Variants in ZFHX3 observed in about 807,000 individuals in gnomAD.
ZFHX3 encodes zinc finger homeobox 3.
A neutral mutation model predicts 279.1 loss-of-function variants in ZFHX3; 42 were observed. The observed-to-expected ratio is 0.15, with a 90% CI of 0.12 to 0.19. The LOEUF (loss-of-function observed/expected upper bound fraction) is 0.19, where lower values mean the gene tolerates loss of function less well. Among genes scored for constraint, ZFHX3 ranks in the 10% least tolerant of loss-of-function variants. ZFHX3 has a pLI of 1.00. For synonymous variants in ZFHX3, 2,293 were observed against 1,957.8 expected (o/e 1.17, Z -4.52); for missense variants, 4,981 against 4,754.0 (o/e 1.05, Z -1.40).
intron 4 of ZFHX3, among the ~76,000 whole-genome samples, chr16:73,295,150 GC>G (rs1472016097): frequency 6.6e-6 from 1 of 152,098 alleles, no homozygotes; most frequent in Non-Finnish European, 1.5e-5. Context: ...GGGAGGCGGA[GC>G]TTGCAGTGAG....
chr16:72,983,785 C>A (rs16971471), intron 1 of ZFHX3, among the ~76,000 whole-genome samples: 31,419 of 152,078 alleles, frequency 0.21, 3,855 homozygotes, highest in East Asian at 0.46. Context: ...ATGTCAAACA[C>A]CATTCCTACC....
At chr16:73,345,059 C>A (rs1160178543) in intron 3 of ZFHX3, among the ~76,000 whole-genome samples, 1 of 152,106 alleles carries the variant, frequency 6.6e-6, no homozygotes, top group African/African-American at 2.4e-5. Context: ...CCTTACTCAG[C>A]TTAAAGGGGT....
intron 5 of ZFHX3, among the ~76,000 whole-genome samples, chr16:73,238,018 A>G (rs1349661000): frequency 6.6e-6 from 1 of 152,032 alleles, no homozygotes; most frequent in Admixed American, 6.6e-5. Context: ...TTAACAACCA[A>G]TTCCACTGTG....
At chr16:72,822,161 A>C (rs2036809419) in intron 5 of ZFHX3, among the ~76,000 whole-genome samples, 1 of 152,232 alleles carries the variant, frequency 6.6e-6, no homozygotes, top group East Asian at 1.9e-4. Context: ...TTGTTAACGA[A>C]ACATCTAAAC....
chr16:73,274,115 G>A (rs958150787), intron 4 of ZFHX3, among the ~76,000 whole-genome samples: 3 of 152,186 alleles, frequency 2.0e-5, no homozygotes, highest in African/African-American at 7.2e-5. Context: ...CTGCACTCCA[G>A]CCTGGGTAAC....
intron 1 of ZFHX3, among the ~76,000 whole-genome samples, chr16:73,867,900 T>G (rs1201462291): frequency 6.6e-6 from 1 of 152,162 alleles, no homozygotes; most frequent in South Asian, 2.1e-4. Context: ...ACTTTGCATC[T>G]TGAACACAAG....
chr16:72,915,330 C>G (rs1206365243), intron 3 of ZFHX3, among the ~76,000 whole-genome samples: 2 of 152,306 alleles, frequency 1.3e-5, no homozygotes, highest in East Asian at 1.9e-4. Flanking sequence ...GGGCAGACAG[C>G]AGATCTTCCA....
At chr16:72,891,018 G>A (rs1407076158) in intron 3 of ZFHX3, among the ~76,000 whole-genome samples, 5 of 152,194 alleles carry the variant, frequency 3.3e-5, no homozygotes, top group Non-Finnish European at 5.9e-5. Context: ...ACATGGAGCC[G>A]GAGCTGGTAT....
chr16:73,479,796 T>C (rs1668778960), intron 2 of ZFHX3, among the ~76,000 whole-genome samples: 1 of 152,114 alleles, frequency 6.6e-6, no homozygotes, highest in African/African-American at 2.4e-5. Flanking sequence ...CCTGTAAAGG[T>C]AGGGGTCACA....
Position 72,966,198 on chromosome 16 carries a change from C to G in ZFHX3, c.-49-6004G>C, listed in dbSNP as rs1222908074. Among the ~76,000 whole-genome samples the G allele has an allele frequency of 3.3e-5, 5 of 152,268 alleles. No individual in the cohort carries two copies. The East Asian group carries it at 7.7e-4, about 23-fold the overall frequency. The stretch of plus-strand genomic sequence containing the variant: ...GAACAAGACCATGCAGGCATGTCCA[C>G]TTGCAGAGCACACCAGACTCGAGGG... On this transcript the variant is annotated intron_variant, in intron 1 of 9. Transcript: ENST00000268489.
chr16:73,536,815 A>G (rs762603276), intron 2 of ZFHX3, among the ~76,000 whole-genome samples: 1 of 152,174 alleles, frequency 6.6e-6, no homozygotes, highest in Non-Finnish European at 1.5e-5. Flanking sequence ...GACAGGAGGA[A>G]CTAATCTGCT....
chr16:73,483,200 G>T (rs2018902289), intron 2 of ZFHX3: 1 of 349,494 alleles, frequency 2.9e-6, no homozygotes, highest in Middle Eastern at 1.0e-3. Flanking sequence ...GGAAGAGAAC[G>T]CGTGGGCCCC....
At chr16:73,039,099 C>G (rs541751007) in intron 1 of ZFHX3, among the ~76,000 whole-genome samples, 3 of 150,454 alleles carry the variant, frequency 2.0e-5, no homozygotes, top group African/African-American at 7.3e-5. Context: ...CAGGCACATG[C>G]CACCGAGCCT....
intron 4 of ZFHX3, among the ~76,000 whole-genome samples, chr16:73,294,808 T>C (rs1481836100): frequency 8.1e-6 from 1 of 123,434 alleles, no homozygotes; most frequent in East Asian, 2.2e-4. Flanking sequence ...TAAGACTCCA[T>C]CTCAAAAAAA....
At position 72,877,286 on chromosome 16, in the gene ZFHX3, G is replaced by A. The variant is rs574537741; in HGVS notation, c.3448+12445C>T. On this transcript the variant is annotated intron_variant, in intron 4 of 9. Coordinates refer to ENST00000268489, the MANE Select transcript of ZFHX3 (RefSeq NM_006885.4). Reference sequence around the variant, plus strand: ...AGTAGGTCATCAGCCCTCAAGAATCGGATAATGACCTCTGGACTCGCAGCG... The same window carrying A: ...AGTAGGTCATCAGCCCTCAAGAATCAGATAATGACCTCTGGACTCGCAGCG... 8.5e-5 allele frequency among the ~76,000 whole-genome samples: 13 copies of A among 152,290 alleles called. No homozygotes were observed. The East Asian group carries it at 1.2e-3, about 14-fold the overall frequency.
intron 1 of ZFHX3, among the ~76,000 whole-genome samples, chr16:73,689,038 C>T (rs2053120478): frequency 1.3e-5 from 2 of 152,114 alleles, no homozygotes; most frequent in Admixed American, 6.6e-5. Flanking sequence ...TGAAAACAGA[C>T]TAATACAAGC....
intron 3 of ZFHX3, among the ~76,000 whole-genome samples, chr16:73,455,396 G>A (rs1038678581): frequency 2.6e-4 from 40 of 152,118 alleles, no homozygotes; most frequent in African/African-American, 9.7e-4. Flanking sequence ...GACCCAGGGG[G>A]CTAAACAAAA....
chr16:72,908,722 C>T (rs937413900), intron 3 of ZFHX3, among the ~76,000 whole-genome samples: 1 of 152,154 alleles, frequency 6.6e-6, no homozygotes, highest in Admixed American at 6.5e-5. Flanking sequence ...GCAAGTTACC[C>T]GCCCGTCCCT....
At chr16:73,100,559 A>G (rs898846891) in intron 7 of ZFHX3, among the ~76,000 whole-genome samples, 25 of 150,566 alleles carry the variant, frequency 1.7e-4, no homozygotes, top group African/African-American at 6.1e-4. Flanking sequence ...TTAGAATTCA[A>G]TTTCCAGGAA....
Sources: allele counts gnomAD v4.1 joint callset (sites outside exome capture counted in the v4.1 genomes callset), GRCh38; gene constraint gnomAD v4.1.1; transcripts MANE v1.5; gene names NCBI Gene and HGNC (gene_info 2026-07-23, HGNC 2026-07-21).